The following PACRG variants were observed in gnomAD, a reference collection of about 807,000 sequenced individuals.
The protein encoded by PACRG is parkin coregulated, also known as parkin coregulated gene protein.
Under a neutral mutation model 29.7 loss-of-function variants are expected in PACRG, and 29 were observed. The ratio of observed to expected loss-of-function variants is 0.98; its 90% CI spans 0.73 to 1.33. PACRG has a LOEUF of 1.33. PACRG is among the 40% of genes most tolerant of loss of function. The probability of loss-of-function intolerance (pLI) is 0.00; values close to 1 mark genes in which losing one functional copy is unlikely to be tolerated. For synonymous variants in PACRG, 116 were observed against 118.7 expected, an observed-to-expected ratio of 0.98 and a Z score of 0.15; for missense variants, 279 against 316.2, an observed-to-expected ratio of 0.88 and a Z score of 0.89.
chr6:163,178,321 G>T (rs923279112), intron 4 of PACRG, among the ~76,000 whole-genome samples: 5 of 152,208 alleles, frequency 3.3e-5, no homozygotes, highest in Non-Finnish European at 7.3e-5. Flanking sequence ...TGGCACGGAC[G>T]TGCTGATCTT....
At chr6:162,895,188 T>G (rs2128047237) in intron 2 of PACRG, among the ~76,000 whole-genome samples, 1 of 148,540 alleles carries the variant, frequency 6.7e-6, no homozygotes, top group East Asian at 2.0e-4. Context: ...GAAGATGGCT[T>G]GAGCCCAGGA....
At chr6:163,256,793 G>C (rs1196264298) in intron 4 of PACRG, among the ~76,000 whole-genome samples, 2 of 152,178 alleles carry the variant, frequency 1.3e-5, no homozygotes, top group Non-Finnish European at 1.5e-5. Context: ...TGGGGATGCT[G>C]TAACTAATGA....
chr6:163,225,398 TC>T (rs747690057), intron 4 of PACRG, among the ~76,000 whole-genome samples: 1 of 152,184 alleles, frequency 6.6e-6, no homozygotes, highest in Non-Finnish European at 1.5e-5. Context: ...AGCTCCTCAC[TC>T]CCTCTCTCTC....
intron 4 of PACRG, among the ~76,000 whole-genome samples, chr6:163,238,013 C>T (rs1782320083): frequency 6.6e-6 from 1 of 152,174 alleles, no homozygotes; most frequent in Non-Finnish European, 1.5e-5. Flanking sequence ...ACAGGATGTG[C>T]TTGAAGGAAG....
chr6:162,790,788 G>A (rs1259130736), intron 1 of PACRG, among the ~76,000 whole-genome samples: 7 of 152,240 alleles, frequency 4.6e-5, no homozygotes, highest in East Asian at 1.9e-4. Flanking sequence ...CTAGATCTGC[G>A]TTGATCCCGC....
intron 2 of PACRG, among the ~76,000 whole-genome samples, chr6:162,909,035 T>G (rs1303725638): frequency 1.3e-5 from 2 of 152,212 alleles, no homozygotes; most frequent in Admixed American, 6.5e-5. Flanking sequence ...AACTGTGTAG[T>G]ATACACGACT....
intron 2 of PACRG, among the ~76,000 whole-genome samples, chr6:162,950,411 G>A (rs1377744559): frequency 2.0e-5 from 3 of 152,194 alleles, no homozygotes; most frequent in African/African-American, 7.2e-5. Context: ...GGGAGGCTGA[G>A]GCAGGAGAAT....
chr6:162,977,188 G>A (rs1802029161), intron 2 of PACRG, among the ~76,000 whole-genome samples: 1 of 151,808 alleles, frequency 6.6e-6, no homozygotes, highest in Non-Finnish European at 1.5e-5. Context: ...GAAAATATTT[G>A]TAAACATTTG....
intron 4 of PACRG, among the ~76,000 whole-genome samples, chr6:163,222,723 G>C (rs1781639296): frequency 6.6e-6 from 1 of 152,162 alleles, no homozygotes; most frequent in Non-Finnish European, 1.5e-5. Flanking sequence ...GAAAAATTAA[G>C]AGATTTGAAC....
intron 4 of PACRG, among the ~76,000 whole-genome samples, chr6:163,122,030 G>A (rs931351026): frequency 1.3e-5 from 2 of 151,780 alleles, no homozygotes; most frequent in African/African-American, 4.8e-5. Flanking sequence ...AGGAGTTTTT[G>A]GAAGGAAAAG....
Position 163,131,181 on chromosome 6 carries a change from G to A in PACRG, c.613+41773G>A, listed in dbSNP as rs569728020. On this transcript the variant is annotated intron_variant, in intron 4 of 4. Transcript: ENST00000366888. The stretch of plus-strand genomic sequence containing the variant: ...AAATTATCCGGGCGTGGTGGCGGGC[G>A]CCTGTAGTCCCAGCTACTCGGGAGG... Among the ~76,000 whole-genome samples the A allele has an allele frequency of 6.2e-4, 94 of 152,154 alleles. 2 individuals carry two copies. In the South Asian group the frequency reaches 0.014, roughly 23 times the overall value.
At chr6:163,267,384 C>A (rs2128177832) in intron 4 of PACRG, among the ~76,000 whole-genome samples, 1 of 152,242 alleles carries the variant, frequency 6.6e-6, no homozygotes, top group East Asian at 1.9e-4. Flanking sequence ...AAGAAATGAG[C>A]CAACGTACAA....
At chr6:162,802,701 C>A (rs1329622715) in intron 1 of PACRG, among the ~76,000 whole-genome samples, 1 of 152,112 alleles carries the variant, frequency 6.6e-6, no homozygotes, top group Non-Finnish European at 1.5e-5. Context: ...CTGGCTTCCA[C>A]CTCATCATGT....
At chr6:163,081,373 G>GAGTT in intron 3 of PACRG, among the ~76,000 whole-genome samples, 1 of 152,310 alleles carries the variant, frequency 6.6e-6, no homozygotes, top group East Asian at 1.9e-4. Flanking sequence ...AATGGCTACA[G>GAGTT]AGTTGTGGGT....
At chr6:162,761,474 C>A (rs1478468691) in intron 1 of PACRG, among the ~76,000 whole-genome samples, 2 of 152,120 alleles carry the variant, frequency 1.3e-5, no homozygotes, top group Non-Finnish European at 2.9e-5. Flanking sequence ...TTTGGTTTTG[C>A]ATGTCTCAGT....
At chr6:163,293,328 G>A (rs1205857859) in intron 4 of PACRG, among the ~76,000 whole-genome samples, 2 of 152,214 alleles carry the variant, frequency 1.3e-5, no homozygotes, top group Non-Finnish European at 2.9e-5. Context: ...GGGCACCAAA[G>A]TTACCTCTGT....
intron 4 of PACRG, among the ~76,000 whole-genome samples, chr6:163,238,077 T>C (rs564212094): frequency 1.3e-5 from 2 of 152,310 alleles, no homozygotes; most frequent in African/African-American, 4.8e-5. Flanking sequence ...CCAAACCCTT[T>C]TAGTAAAACT....
intron 4 of PACRG, among the ~76,000 whole-genome samples, chr6:163,237,945 G>T (rs1782317653): frequency 6.6e-6 from 1 of 152,192 alleles, no homozygotes; most frequent in South Asian, 2.1e-4. Flanking sequence ...CCTGTCAGAA[G>T]ATATATCCAT....
chr6:163,181,776 C>T (rs560398480), intron 4 of PACRG, among the ~76,000 whole-genome samples: 7 of 152,088 alleles, frequency 4.6e-5, no homozygotes, highest in East Asian at 3.9e-4. Context: ...TTTTAACTCA[C>T]GGGGAAAAAG....
Sources: allele counts gnomAD v4.1 joint callset (sites outside exome capture counted in the v4.1 genomes callset), GRCh38; gene constraint gnomAD v4.1.1; transcripts MANE v1.5; gene names NCBI Gene and HGNC (gene_info 2026-07-23, HGNC 2026-07-21).